TRPM2: variants seen among roughly 807,000 people sequenced by gnomAD.
TRPM2 encodes the protein transient receptor potential cation channel subfamily M member 2.
In TRPM2, 161 loss-of-function variants were observed where a neutral mutation model predicts 174.0. That is an observed-to-expected ratio of 0.93 (90% CI 0.81 to 1.05). TRPM2 has a LOEUF of 1.05. Ranked by LOEUF, TRPM2 falls within the 50% of genes least tolerant of loss-of-function variation. The pLI, the probability that TRPM2 is intolerant of heterozygous loss-of-function variation, is 0.00. For missense variants in TRPM2, 2,057 were observed against 2,038.0 expected (o/e 1.01, Z -0.18); for synonymous variants, 954 against 861.3 (o/e 1.11, Z -1.88).
intron 19 of TRPM2, among the ~76,000 whole-genome samples, chr21:44,408,033 C>T (rs1351797041): frequency 1.3e-5 from 2 of 151,876 alleles, no homozygotes; most frequent in African/African-American, 4.8e-5. Flanking sequence ...GCGACCTCCA[C>T]CTCCTGGGTT....
Position 44,442,527 on chromosome 21 carries a change from A to T in TRPM2, c.*710A>T, listed in dbSNP as rs2051548495. 1 of 152,288 alleles carries T rather than the reference A, an allele frequency of 6.6e-6. No individual in the cohort carries two copies. Among genetic ancestry groups the T allele is most frequent in the African/African-American group, 2.4e-5 (1 of 41,460 alleles). 9.4% of individuals were successfully genotyped at this position (152,288 alleles called of 1,614,324 possible). A position where few individuals can be genotyped will look rare whatever the true frequency, so the allele number is the denominator to read the frequency against. ...TGTGGCCAGGGACGGCATGAGCAGGAGGCGGGGACGTGGGGGCCTTCTGGT... is the reference window on the plus strand; with the variant it reads ...TGTGGCCAGGGACGGCATGAGCAGGTGGCGGGGACGTGGGGGCCTTCTGGT... On this transcript the variant is annotated 3_prime_UTR_variant, in exon 32 of 32. Transcript: ENST00000397928.
intron 27 of TRPM2, among the ~76,000 whole-genome samples, chr21:44,429,283 T>C (rs909614606): frequency 1.4e-3 from 190 of 136,322 alleles, no homozygotes; most frequent in Non-Finnish European, 1.9e-3. Context: ...TTTTTCTTTT[T>C]TTTTTTTTTT....
At chr21:44,406,856 GC>G in intron 19 of TRPM2, 91 bp downstream of exon 19, 1 of 1,476,560 alleles carries the variant, frequency 6.8e-7, no homozygotes. Flanking sequence ...AGTGAGGCCG[GC>G]TCCATCAGGG....
chr21:44,422,230 A>G (rs1025589364), intron 22 of TRPM2: 7 of 1,531,174 alleles, frequency 4.6e-6, no homozygotes, highest in Non-Finnish European at 6.1e-6. Flanking sequence ...ACCTTGCAGC[A>G]CTGAGGTGAG....
At position 44,413,959 on chromosome 21, in the gene TRPM2, AGCGAC is replaced by A; in HGVS notation, c.3039_3043del (p.Thr1014AlafsTer7). 2 of 1,613,928 alleles carry A rather than the reference AGCGAC, an allele frequency of 1.2e-6. No individual in the cohort carries two copies. The highest frequency in any genetic ancestry group is 1.7e-6 in the Non-Finnish European group (2 of 1,180,012). ...CCCCTACAAGCCTAAGTGCCCCGAG[AGCGAC>A]GCGACGCAGCAGAGGCCGGCCTTCC... On this transcript the variant is annotated frameshift_variant, in exon 20 of 32. Transcript: ENST00000397928. LOFTEE classifies it high-confidence loss of function.
At chr21:44,426,926 T>C in intron 26 of TRPM2, 84 bp from the exon 27 acceptor site, 2 of 1,442,494 alleles carry the variant, frequency 1.4e-6, no homozygotes, top group Non-Finnish European at 1.9e-6. Flanking sequence ...GCTGGGCCCT[T>C]GGTGGGGGGG....
intron 2 of TRPM2, among the ~76,000 whole-genome samples, chr21:44,360,132 G>A (rs1049571128): frequency 6.6e-6 from 1 of 152,126 alleles, no homozygotes; most frequent in Admixed American, 6.6e-5. Context: ...AAGTTACAAA[G>A]AACACATAAA....
chr21:44,399,570 C>A lies in TRPM2; in HGVS notation c.2208+129C>A. ...AGGGCCCTCAGCAGCTCGGGGACAG[C>A]GCCTGACCCCTCGGCCACCTGCTCC... is the stretch of plus-strand genomic sequence containing the variant. On this transcript the variant is annotated intron_variant, in intron 14 of 31. Coordinates refer to ENST00000397928, the MANE Select transcript of TRPM2 (RefSeq NM_003307.4). The surrounding 1 kb of genome is among the most constrained non-coding windows in gnomAD (Gnocchi z 4.6). 2 of 1,265,046 alleles carry A rather than the reference C, an allele frequency of 1.6e-6. No homozygotes were observed. The highest frequency in any genetic ancestry group is 2.1e-6 in the Non-Finnish European group (2 of 958,436). 78.4% of individuals were successfully genotyped at this position (1,265,046 alleles called of 1,614,324 possible).
At chr21:44,418,676 G>C (rs998384741) in intron 22 of TRPM2, 121 bp downstream of exon 22, 1 of 1,288,170 alleles carries the variant, frequency 7.8e-7, no homozygotes, top group Non-Finnish European at 1.1e-6. Flanking sequence ...CGGTGAGGGA[G>C]CGCTGTATCC....
chr21:44,428,836 G>A (rs1017535254), intron 27 of TRPM2, among the ~76,000 whole-genome samples: 19 of 151,126 alleles, frequency 1.3e-4, no homozygotes, highest in African/African-American at 2.9e-4. Flanking sequence ...CTCCCCTTAC[G>A]TCTGGCTCCT....
At chr21:44,373,583 G>GAGA (rs2048605447) in intron 5 of TRPM2, among the ~76,000 whole-genome samples, 1 of 106,242 alleles carries the variant, frequency 9.4e-6, no homozygotes, top group Non-Finnish European at 2.3e-5. Flanking sequence ...TGCATTATAT[G>GAGA]CGACCTGCAT....
chr21:44,363,115 C>T (rs2048265022), intron 2 of TRPM2, among the ~76,000 whole-genome samples: 1 of 152,192 alleles, frequency 6.6e-6, no homozygotes, highest in Admixed American at 6.5e-5. Context: ...GGAAGTTTAA[C>T]TGTTGTGTGT....
chr21:44,385,275 A>C (rs1338942819), intron 9 of TRPM2, among the ~76,000 whole-genome samples: 1 of 152,236 alleles, frequency 6.6e-6, no homozygotes, highest in Non-Finnish European at 1.5e-5. Context: ...CCTTGATGTA[A>C]TAAAAGCCAT....
intron 5 of TRPM2, among the ~76,000 whole-genome samples, chr21:44,373,639 G>GCATTAT (rs2048610081): frequency 1.3e-5 from 2 of 148,878 alleles, no homozygotes; most frequent in African/African-American, 2.5e-5. Flanking sequence ...ATGCGACCCG[G>GCATTAT]ATAGGCTGAG....
chr21:44,437,192 C>G, intron 29 of TRPM2, 25 bp downstream of exon 29: 4 of 1,537,640 alleles, frequency 2.6e-6, no homozygotes, highest in Non-Finnish European at 3.5e-6. Flanking sequence ...TGTGGGACCT[C>G]TGTCCACTGG....
chr21:44,407,866 CTTT>C (rs200733731), intron 19 of TRPM2, among the ~76,000 whole-genome samples: 1 of 150,102 alleles, frequency 6.7e-6, no homozygotes, highest in African/African-American at 2.4e-5. Flanking sequence ...TCCACTTTTC[CTTT>C]TTTTTAAAAA....
chr21:44,440,398 C>T (rs371827586), intron 30 of TRPM2, among the ~76,000 whole-genome samples: 14 of 151,436 alleles, frequency 9.2e-5, no homozygotes, highest in South Asian at 2.1e-4. Flanking sequence ...GGTTCCAGAA[C>T]GTTCCATCAC....
At chr21:44,352,129 G>T (rs1266060252), upstream of TRPM2, among the ~76,000 whole-genome samples, 1 of 152,252 alleles carries the variant, frequency 6.6e-6, no homozygotes, top group African/African-American at 2.4e-5. Flanking sequence ...GGACATCTCT[G>T]CCCCTCTGCT....
Position 44,376,840 on chromosome 21 carries a change from G to A in TRPM2, c.952+827G>A, listed in dbSNP as rs1042418958. On this transcript the variant is annotated intron_variant, in intron 6 of 31. Coordinates refer to ENST00000397928, the MANE Select transcript of TRPM2 (RefSeq NM_003307.4). This position sits in a 1 kb window ranked among gnomAD's most constrained non-coding sequence, Gnocchi z 4.2. ...CACCAGCTTGTGGGCCCCAGCCCCA[G>A]GGTCCAACTCAGCAGCTCCAGGTGG... 2.6e-5 allele frequency among the ~76,000 whole-genome samples: 4 copies of A among 152,218 alleles called. No homozygotes were observed. Among genetic ancestry groups the A allele is most frequent in the Non-Finnish European group, 5.9e-5 (4 of 68,038 alleles).
Sources: gnomAD v4.1 joint callset for allele counts (sites outside exome capture counted in the v4.1 genomes callset) on GRCh38, gnomAD v4.1.1 for gene constraint, Gnocchi (gnomAD v3.1) non-coding constraint, MANE v1.5 for transcripts, NCBI Gene and HGNC (gene_info 2026-07-23, HGNC 2026-07-21) for gene names.